Variants in SPATA16 observed in about 807,000 individuals in gnomAD.
SPATA16 encodes the protein spermatogenesis-associated protein 16.
A neutral mutation model predicts 63.3 loss-of-function variants in SPATA16; 36 were observed. The ratio of observed to expected loss-of-function variants is 0.57; its 90% CI spans 0.44 to 0.75. SPATA16 has a LOEUF of 0.75. Ranked by LOEUF, SPATA16 falls within the 30% of genes least tolerant of loss-of-function variation. The pLI is 0.00. For missense variants in SPATA16, 646 were observed against 679.3 expected, an observed-to-expected ratio of 0.95 and a Z score of 0.54; for synonymous variants, 203 against 216.7, an observed-to-expected ratio of 0.94 and a Z score of 0.56.
intron 5 of SPATA16, among the ~76,000 whole-genome samples, chr3:172,971,595 C>G (rs922103960): frequency 1.3e-5 from 2 of 152,160 alleles, no homozygotes; most frequent in Non-Finnish European, 2.9e-5. Flanking sequence ...TTTGTTCACT[C>G]CTGTATCTCC....
At chr3:172,913,137 A>C (rs1732408117) in intron 10 of SPATA16, among the ~76,000 whole-genome samples, 1 of 152,188 alleles carries the variant, frequency 6.6e-6, no homozygotes, top group Non-Finnish European at 1.5e-5. Context: ...AAGTCTCCTG[A>C]GTACTTGGGT....
rs1253527057 is a variant in SPATA16, at chr3:173,091,319, A to T, written c.612+25801T>A. Among the ~76,000 whole-genome samples the T allele has an allele frequency of 1.3e-5, 2 of 148,176 alleles. 1 individual carries two copies. Among genetic ancestry groups the T allele is most frequent in the South Asian group, 4.3e-4 (2 of 4,668 alleles). ...GTTTATACTTTTAATGTCAAATATAATCATTAATTTATTTGACTTTTTTTT... is the reference window on the plus strand; with the variant it reads ...GTTTATACTTTTAATGTCAAATATATTCATTAATTTATTTGACTTTTTTTT... On this transcript the variant is annotated intron_variant, in intron 2 of 10. Coordinates refer to ENST00000351008, the MANE Select transcript of SPATA16 (RefSeq NM_031955.6).
At chr3:172,944,167 A>G (rs1409978507) in intron 6 of SPATA16, among the ~76,000 whole-genome samples, 1 of 152,220 alleles carries the variant, frequency 6.6e-6, no homozygotes, top group Admixed American at 6.5e-5. Context: ...CGAAAACAGC[A>G]ACAAAAAACA....
intron 6 of SPATA16, among the ~76,000 whole-genome samples, chr3:172,934,258 C>T (rs376037461): frequency 6.6e-6 from 1 of 151,966 alleles, no homozygotes; most frequent in African/African-American, 2.4e-5. Context: ...GACTGGTAAC[C>T]TATTCACTTG....
intron 6 of SPATA16, among the ~76,000 whole-genome samples, chr3:172,936,457 C>G (rs896738080): frequency 5.9e-5 from 9 of 152,160 alleles, no homozygotes; most frequent in Non-Finnish European, 8.8e-5. Context: ...ATGCATTTCT[C>G]TATACATGCT....
rs560713319 is a variant in SPATA16 at position 173,112,865 on chromosome 3, G to T, written c.612+4255C>A. On this transcript the variant is annotated intron_variant, in intron 2 of 10. Transcript: ENST00000351008. ...TTGTTTGAAGCTGTGAATCTTAAAGGATACATATAGATTTGTTCTAATTCA... is the reference window on the plus strand; with the variant it reads ...TTGTTTGAAGCTGTGAATCTTAAAGTATACATATAGATTTGTTCTAATTCA... Among the ~76,000 whole-genome samples the T allele has an allele frequency of 2.3e-3, 350 of 152,290 alleles. 1 individual carries two copies. The highest frequency in any genetic ancestry group is 8.2e-3 in the African/African-American group (339 of 41,560).
At chr3:173,041,758 C>T (rs1735844674) in intron 3 of SPATA16, among the ~76,000 whole-genome samples, 1 of 151,340 alleles carries the variant, frequency 6.6e-6, no homozygotes, top group Non-Finnish European at 1.5e-5. Flanking sequence ...TTTAAACCCT[C>T]AGTTCTGGTA....
At position 172,889,387 on chromosome 3, in the gene SPATA16, C is replaced by A; in HGVS notation, c.*183G>T. On this transcript the variant is annotated 3_prime_UTR_variant, in exon 11 of 11. Coordinates refer to ENST00000351008, the MANE Select transcript of SPATA16 (RefSeq NM_031955.6). The stretch of plus-strand genomic sequence containing the variant: ...TCAAACTTGCTGAGAATATTTATTG[C>A]TGCCAGTTGAGATTAATGAAACATA... The A allele has an allele frequency of 1.2e-6, 1 of 834,136 alleles. No homozygotes were observed. Among genetic ancestry groups the A allele is most frequent in the African/African-American group, 1.7e-5 (1 of 58,690 alleles). The allele number at this position is 834,136 out of a possible 1,614,324, so 51.7% of individuals were successfully genotyped here.
intron 4 of SPATA16, among the ~76,000 whole-genome samples, chr3:173,015,388 T>A (rs1031232188): frequency 6.6e-6 from 1 of 152,230 alleles, no homozygotes; most frequent in African/African-American, 2.4e-5. Flanking sequence ...AATGATGCAT[T>A]AAAGAGACTT....
At chr3:173,043,838 T>C (rs1416889666) in intron 3 of SPATA16, among the ~76,000 whole-genome samples, 1 of 151,874 alleles carries the variant, frequency 6.6e-6, no homozygotes, top group African/African-American at 2.4e-5. Context: ...TTTTAACTTT[T>C]ATTTATATGA....
intron 2 of SPATA16, among the ~76,000 whole-genome samples, chr3:173,062,673 C>T (rs1396021720): frequency 1.3e-5 from 2 of 152,136 alleles, no homozygotes; most frequent in African/African-American, 4.8e-5. Flanking sequence ...TAAAATACTG[C>T]TTCTCAACTG....
In SPATA16 at chr3:172,929,030, C is replaced by G. The variant is rs1732804495; in HGVS notation, c.1082-3538G>C. Reference sequence around the variant, plus strand: ...GTGCTCATAAACCTCTACCTGTGTCCGAAAAGCTCTGTGCCTCTGATGGAT... The same window carrying G: ...GTGCTCATAAACCTCTACCTGTGTCGGAAAAGCTCTGTGCCTCTGATGGAT... On this transcript the variant is annotated intron_variant, in intron 6 of 10. Transcript: ENST00000351008. 2.6e-5 allele frequency among the ~76,000 whole-genome samples: 4 copies of G among 152,056 alleles called. No individual in the cohort carries two copies. The South Asian group carries it at 6.2e-4, about 24-fold the overall frequency.
chr3:172,960,885 C>CTTTCTT (rs759095818), intron 5 of SPATA16, among the ~76,000 whole-genome samples: 7,489 of 149,100 alleles, frequency 0.05, 720 homozygotes, highest in African/African-American at 0.18. Context: ...CTCTTTCTTT[C>CTTTCTT]TCTCTCTCCT....
At position 172,977,015 on chromosome 3, in the gene SPATA16, C is replaced by T. The variant is rs375699777; in HGVS notation, c.886G>A (p.Gly296Arg). 2 of 1,611,680 alleles carry T rather than the reference C, an allele frequency of 1.2e-6. No homozygotes were observed. The highest frequency in any genetic ancestry group is 2.7e-5 in the African/African-American group (2 of 74,900). ...MIADYMFWLG[G>R]GREESISKLI... ...TTGCTTATGCTCTCTTCCCTTCCTCCACCAAGCCAGAACATGTAGTCAGCA... is the reference window on the plus strand; with the variant it reads ...TTGCTTATGCTCTCTTCCCTTCCTCTACCAAGCCAGAACATGTAGTCAGCA... The change falls in exon 5 of 11, where the codon GGA becomes AGA. Residue 296 changes from glycine (G) to arginine (R), a missense_variant. Coordinates refer to ENST00000351008, the MANE Select transcript of SPATA16 (RefSeq NM_031955.6).
intron 6 of SPATA16, among the ~76,000 whole-genome samples, chr3:172,927,565 A>G (rs1732766943): frequency 6.6e-6 from 1 of 152,086 alleles, no homozygotes; most frequent in Non-Finnish European, 1.5e-5. Context: ...ATCTTTTTCA[A>G]TCATGGAGTG....
intron 3 of SPATA16, among the ~76,000 whole-genome samples, chr3:173,033,164 G>T (rs1341169893): frequency 6.6e-6 from 1 of 152,006 alleles, no homozygotes. Context: ...CAATTCCCAA[G>T]AAAAAATATA....
intron 2 of SPATA16, among the ~76,000 whole-genome samples, chr3:173,109,103 T>C (rs992458404): frequency 1.3e-5 from 2 of 152,182 alleles, no homozygotes; most frequent in Admixed American, 1.3e-4. Context: ...TTATTGAAAA[T>C]TCTCCTACTA....
At chr3:173,085,918 A>C (rs1737039021) in intron 2 of SPATA16, among the ~76,000 whole-genome samples, 1 of 152,182 alleles carries the variant, frequency 6.6e-6, no homozygotes, top group African/African-American at 2.4e-5. Context: ...TCAGTTTGCC[A>C]GGATTTTATT....
intron 2 of SPATA16, among the ~76,000 whole-genome samples, chr3:173,099,628 AT>A (rs1427306393): frequency 6.6e-6 from 1 of 152,158 alleles, no homozygotes; most frequent in Non-Finnish European, 1.5e-5. Flanking sequence ...ACTCTATACA[AT>A]TTTCTACCTC....
Sources: allele counts gnomAD v4.1 joint callset (sites outside exome capture counted in the v4.1 genomes callset), GRCh38; gene constraint gnomAD v4.1.1; transcripts MANE v1.5; gene names NCBI Gene and HGNC (gene_info 2026-07-23, HGNC 2026-07-21).